The following AZIN2 variants were observed in gnomAD, a reference collection of about 807,000 sequenced individuals.
AZIN2 encodes ODC antizyme inhibitor-2.
A neutral mutation model predicts 47.8 loss-of-function variants in AZIN2; 28 were observed. That is an observed-to-expected ratio of 0.59 (90% CI 0.43 to 0.80). The LOEUF (loss-of-function observed/expected upper bound fraction) is 0.80, where lower values mean the gene tolerates loss of function less well. Ranked by LOEUF, AZIN2 falls within the 30% of genes least tolerant of loss-of-function variation. The pLI is 0.00. For synonymous variants in AZIN2, 221 were observed against 239.4 expected (o/e 0.92, Z 0.71); for missense variants, 535 against 582.5 (o/e 0.92, Z 0.84).
At chr1:33,137,630 T>G in the AZIN2 span, among the ~76,000 whole-genome samples, 1 of 152,114 alleles carries the variant, frequency 6.6e-6, no homozygotes, top group Admixed American at 6.5e-5. Flanking sequence ...ACATCACACT[T>G]AACCACACTA....
chr1:33,148,336 G>T, the AZIN2 span, among the ~76,000 whole-genome samples: 3 of 152,180 alleles, frequency 2.0e-5, no homozygotes, highest in Non-Finnish European at 4.4e-5. Context: ...GTATAAACAT[G>T]AAATTTTTTT....
chr1:33,147,759 G>A, the AZIN2 span: 19 of 1,592,200 alleles, frequency 1.2e-5, 1 homozygote, highest in South Asian at 2.2e-4. This position sits in a 1 kb window ranked among gnomAD's most constrained non-coding sequence, Gnocchi z 8.1. Flanking sequence ...GAGAAGATGA[G>A]TGGGGAGAAG....
chr1:33,119,866 TG>T, intron 11 of AZIN2, 177 bp from the exon 12 acceptor site: 3 of 701,008 alleles, frequency 4.3e-6, no homozygotes, highest in Non-Finnish European at 7.0e-6. Context: ...TGTTGAGGGG[TG>T]GGGACCACAC....
At chr1:33,134,631 C>A in the AZIN2 span, among the ~76,000 whole-genome samples, 2 of 152,090 alleles carry the variant, frequency 1.3e-5, no homozygotes, top group Non-Finnish European at 2.9e-5. Context: ...TAGTGAGCTC[C>A]CTGGCACCAG....
intron 10 of AZIN2, among the ~76,000 whole-genome samples, chr1:33,115,671 C>T (rs1412337796): frequency 1.3e-5 from 2 of 152,160 alleles, no homozygotes; most frequent in Non-Finnish European, 2.9e-5. Context: ...CCACTACACT[C>T]CAGCCTCGAT....
chr1:33,158,846 C>CT, the AZIN2 span, among the ~76,000 whole-genome samples: 4,623 of 145,572 alleles, frequency 0.032, 171 homozygotes, highest in Admixed American at 0.12. Context: ...TCTTTTTTTT[C>CT]TTTTTTTTTT....
At position 33,107,046 on chromosome 1, in the gene AZIN2, G is replaced by T. The variant is rs556911899; in HGVS notation, c.1029+8867G>T. ...TCATGCCTGTAATCCTAGCACTTTGGGAGGCCAAGGCTGGTGGATCACTTA... is the reference window on the plus strand; with the variant it reads ...TCATGCCTGTAATCCTAGCACTTTGTGAGGCCAAGGCTGGTGGATCACTTA... On this transcript the variant is annotated intron_variant, in intron 10 of 11. Transcript: ENST00000294517. Among the ~76,000 whole-genome samples, 6 of 152,282 alleles carry T rather than the reference G, an allele frequency of 3.9e-5. No homozygotes were observed. The South Asian group carries it at 1.0e-3, about 26-fold the overall frequency.
the AZIN2 span, chr1:33,159,833 G>A: frequency 3.1e-5 from 50 of 1,613,616 alleles, no homozygotes; most frequent in African/African-American, 1.2e-4. This position sits in a 1 kb window ranked among gnomAD's most constrained non-coding sequence, Gnocchi z 4.2. Flanking sequence ...GTCAGCGTGC[G>A]GGCCGTGTCC....
intron 6 of AZIN2, 151 bp from the exon 7 acceptor site, chr1:33,093,131 G>A (rs1642755310): frequency 2.1e-6 from 2 of 969,900 alleles, no homozygotes; most frequent in South Asian, 3.3e-5. Flanking sequence ...GGACTTGAAG[G>A]TTGATTGGCT....
chr1:33,095,380 C>T (rs570951397), intron 8 of AZIN2, among the ~76,000 whole-genome samples: 6 of 152,332 alleles, frequency 3.9e-5, no homozygotes, highest in Non-Finnish European at 5.9e-5. Context: ...TATGGTACAT[C>T]CTTTTGATGA....
the AZIN2 span, chr1:33,164,410 T>G: frequency 1.3e-5 from 2 of 152,344 alleles, no homozygotes; most frequent in Non-Finnish European, 1.5e-5. Flanking sequence ...TCACTCTGTA[T>G]AGTGGGGACT....
At chr1:33,114,355 CT>C (rs59452990) in intron 10 of AZIN2, among the ~76,000 whole-genome samples, 26,806 of 115,606 alleles carry the variant, frequency 0.23, 2,396 homozygotes, top group South Asian at 0.27. Flanking sequence ...TTTTTCTTTT[CT>C]TTTTTTTTTT....
At chr1:33,128,182 T>C (rs912704340), downstream of AZIN2, among the ~76,000 whole-genome samples, 1 of 97,808 alleles carries the variant, frequency 1.0e-5, no homozygotes, top group African/African-American at 4.0e-5. Context: ...CCGGGTAAAA[T>C]AGTGAAACTC....
At chr1:33,090,775 G>A (rs1371962190) in intron 5 of AZIN2, among the ~76,000 whole-genome samples, 2 of 152,114 alleles carry the variant, frequency 1.3e-5, no homozygotes, top group East Asian at 3.8e-4. Context: ...TAGTCACCAT[G>A]ATGTACATTA....
chr1:33,158,720 A>G, the AZIN2 span, among the ~76,000 whole-genome samples: 2 of 152,190 alleles, frequency 1.3e-5, no homozygotes, highest in African/African-American at 4.8e-5. Context: ...ACTAAGTGTT[A>G]TTACTACTAA....
chr1:33,120,106 A>C lies in AZIN2; in HGVS notation c.1307A>C (p.Lys436Thr). The change falls in exon 12 of 12, where the codon AAG (lysine) becomes ACG (threonine). Residue 436 changes from lysine to threonine, a missense_variant. Around this residue, in one of 3 missense-constraint regions of AZIN2, gnomAD observed 122 missense variants for 135.8 expected, o/e 0.90. Transcript: ENST00000294517. The part of the protein sequence containing the change: ...EQEDDVEGVC[K>T]PLSCGWEITD... ...GAGGATGACGTGGAGGGTGTGTGCAAGCCTCTGTCCTGCGGCTGGGAGATC... is the reference window on the plus strand; with the variant it reads ...GAGGATGACGTGGAGGGTGTGTGCACGCCTCTGTCCTGCGGCTGGGAGATC... 1 of 1,613,992 alleles carries C rather than the reference A, an allele frequency of 6.2e-7. No individual in the cohort carries two copies.
Position 33,094,576 on chromosome 1 carries a change from C to T in AZIN2, c.616C>T (p.Pro206Ser). Residue 206 changes from proline to serine, a missense_variant, in exon 8 of 12, where the codon CCT (proline) becomes TCT (serine). Pro to Ser is a moderately conservative substitution (Grantham distance 74). This residue lies in a region of AZIN2 where 409 missense variants were observed against 429.0 expected (regional missense o/e 0.95). Transcript: ENST00000294517. ...TCACATTGGCAGTGGCTGTCCTGAC[C>T]CTCAGGCCTATGCTCAGTCCATCGC... ...SFHIGSGCPD[P>S]QAYAQSIADA... 15 of 1,614,046 alleles carry T rather than the reference C, an allele frequency of 9.3e-6. No homozygotes were observed. The highest frequency in any genetic ancestry group is 1.3e-5 in the Non-Finnish European group (15 of 1,179,954).
intron 5 of AZIN2, 52 bp downstream of exon 5, chr1:33,084,179 C>T: frequency 8.2e-6 from 13 of 1,594,646 alleles, no homozygotes; most frequent in African/African-American, 1.3e-5. Flanking sequence ...TGAACACACA[C>T]ATGGCCAGGC....
intron 7 of AZIN2, 40 bp downstream of exon 7, chr1:33,093,456 G>T: frequency 6.2e-7 from 1 of 1,601,444 alleles, no homozygotes; most frequent in Non-Finnish European, 8.5e-7. Context: ...CCCACACCAG[G>T]CTCCCTGCCT....
Sources: allele counts gnomAD v4.1 joint callset (sites outside exome capture counted in the v4.1 genomes callset), GRCh38; gene constraint gnomAD v4.1.1; regional missense constraint gnomAD v4.1.1; non-coding constraint Gnocchi (gnomAD v3.1); transcripts MANE v1.5; gene names NCBI Gene and HGNC (gene_info 2026-07-23, HGNC 2026-07-21).